NXPE2: variants seen among roughly 807,000 people sequenced by gnomAD.
NXPE2 encodes neurexophilin and PC-esterase domain family member 2, also known as NXPE family member 2.
A neutral mutation model predicts 34.4 loss-of-function variants in NXPE2; 34 were observed. The ratio of observed to expected loss-of-function variants is 0.99; its 90% CI spans 0.75 to 1.31. The LOEUF (loss-of-function observed/expected upper bound fraction) is 1.31, where lower values mean the gene tolerates loss of function less well. NXPE2 is among the 40% of genes most tolerant of loss of function. The pLI, the probability that NXPE2 is intolerant of heterozygous loss-of-function variation, is 0.00. For synonymous variants in NXPE2, 235 were observed against 231.3 expected, an observed-to-expected ratio of 1.02 and a Z score of -0.15; for missense variants, 649 against 672.5, an observed-to-expected ratio of 0.97 and a Z score of 0.39.
chr11:114,602,127 A>C, the NXPE2 span, among the ~76,000 whole-genome samples: 1 of 102,040 alleles, frequency 9.8e-6, no homozygotes, highest in African/African-American at 4.1e-5. Context: ...TATATATATT[A>C]TACATAACAT....
At chr11:114,725,976 A>ATATATATATATAT in the NXPE2 span, among the ~76,000 whole-genome samples, 67 of 101,752 alleles carry the variant, frequency 6.6e-4, no homozygotes, top group East Asian at 1.8e-3. Flanking sequence ...ATAAAAAAAA[A>ATATATATATATAT]ATATATATAT....
the NXPE2 span, among the ~76,000 whole-genome samples, chr11:114,752,585 G>A: frequency 1.6e-3 from 247 of 152,210 alleles, 1 homozygote; most frequent in African/African-American, 5.7e-3. Context: ...GGTGCTAAAG[G>A]GCAGTCAGGT....
At chr11:114,727,905 T>C in the NXPE2 span, among the ~76,000 whole-genome samples, 2 of 151,820 alleles carry the variant, frequency 1.3e-5, no homozygotes, top group Admixed American at 1.3e-4. Context: ...AATTAATGGC[T>C]CAGTTAACAC....
At chr11:114,665,735 A>G in the NXPE2 span, among the ~76,000 whole-genome samples, 9 of 152,290 alleles carry the variant, frequency 5.9e-5, no homozygotes, top group Admixed American at 5.9e-4. Context: ...GATGAAGTCA[A>G]GGTCAGAATC....
At chr11:114,794,927 C>T in the NXPE2 span, among the ~76,000 whole-genome samples, 1 of 143,596 alleles carries the variant, frequency 7.0e-6, no homozygotes, top group African/African-American at 2.5e-5. Context: ...AAATTAACTG[C>T]TTTGGAACTA....
chr11:114,518,096 G>A, the NXPE2 span: 2 of 152,244 alleles, frequency 1.3e-5, no homozygotes, highest in Admixed American at 1.3e-4. Flanking sequence ...TATAAATTTT[G>A]GGTTGAATGT....
At chr11:114,791,838 C>G in the NXPE2 span, among the ~76,000 whole-genome samples, 11 of 152,062 alleles carry the variant, frequency 7.2e-5, no homozygotes, top group Non-Finnish European at 1.2e-4. Flanking sequence ...GGGCGGATCA[C>G]GAGGTCAGGA....
the NXPE2 span, among the ~76,000 whole-genome samples, chr11:114,786,362 C>CCCA: frequency 8.3e-6 from 1 of 121,142 alleles, no homozygotes; most frequent in South Asian, 3.4e-4. Flanking sequence ...TCTACCCCCG[C>CCCA]CCCCCGCCCC....
At chr11:114,605,641 C>A in the NXPE2 span, among the ~76,000 whole-genome samples, 9 of 151,888 alleles carry the variant, frequency 5.9e-5, no homozygotes, top group African/African-American at 1.2e-4. Flanking sequence ...CGTGGGTAAC[C>A]ACAGTTAGCT....
the NXPE2 span, among the ~76,000 whole-genome samples, chr11:114,469,853 G>T: frequency 6.6e-6 from 1 of 152,002 alleles, no homozygotes; most frequent in Non-Finnish European, 1.5e-5. Flanking sequence ...CACACTTCAT[G>T]CCCTTTTCCA....
the NXPE2 span, among the ~76,000 whole-genome samples, chr11:114,528,347 C>T: frequency 6.6e-6 from 1 of 152,166 alleles, no homozygotes; most frequent in Admixed American, 6.5e-5. Flanking sequence ...AATCCAACTG[C>T]ACTACTGCTT....
At chr11:114,741,566 T>G in the NXPE2 span, among the ~76,000 whole-genome samples, 3 of 152,194 alleles carry the variant, frequency 2.0e-5, no homozygotes, top group Admixed American at 2.0e-4. Flanking sequence ...ATTCACAGAT[T>G]CTTTCTTTTG....
chr11:114,808,127 G>C, the NXPE2 span, among the ~76,000 whole-genome samples: 1 of 152,186 alleles, frequency 6.6e-6, no homozygotes, highest in African/African-American at 2.4e-5. Context: ...CAGAAATAAA[G>C]ATGTTCTTTG....
chr11:114,589,296 T>C, the NXPE2 span, among the ~76,000 whole-genome samples: 1 of 151,912 alleles, frequency 6.6e-6, no homozygotes, highest in African/African-American at 2.4e-5. Flanking sequence ...GTGGCTCAAA[T>C]TCCCATTACA....
chr11:114,647,613 C>T, the NXPE2 span, among the ~76,000 whole-genome samples: 15,995 of 152,104 alleles, frequency 0.11, 1,049 homozygotes, highest in African/African-American at 0.18. Flanking sequence ...AATATTCTCT[C>T]TTTCAGCTTC....
chr11:114,802,903 TAAAA>T, the NXPE2 span, among the ~76,000 whole-genome samples: 1 of 151,164 alleles, frequency 6.6e-6, no homozygotes, highest in African/African-American at 2.4e-5. Context: ...AAAAGATAAT[TAAAA>T]AAAAACGGAG....
chr11:114,637,656 C>G, the NXPE2 span, among the ~76,000 whole-genome samples: 9 of 150,506 alleles, frequency 6.0e-5, no homozygotes, highest in Admixed American at 1.3e-4. Context: ...TAGGGCAGAC[C>G]TGGTGGTGAC....
the NXPE2 span, among the ~76,000 whole-genome samples, chr11:114,730,027 C>G: frequency 2.2e-4 from 33 of 152,142 alleles, no homozygotes; most frequent in African/African-American, 7.9e-4. Context: ...AGGATTCTTA[C>G]AGTTTGAGGT....
chr11:114,596,116 C>G, the NXPE2 span, among the ~76,000 whole-genome samples: 1 of 152,180 alleles, frequency 6.6e-6, no homozygotes, highest in Non-Finnish European at 1.5e-5. Context: ...GCGTTATCAT[C>G]AAGACCCAGT....
Sources: allele counts gnomAD v4.1 joint callset (sites outside exome capture counted in the v4.1 genomes callset), GRCh38; gene constraint gnomAD v4.1.1; transcripts MANE v1.5; gene names NCBI Gene and HGNC (gene_info 2026-07-23, HGNC 2026-07-21).